ITSN2: variants seen among roughly 807,000 people sequenced by gnomAD.
ITSN2 encodes intersectin-2.
ITSN2 carries 156 observed loss-of-function variants against 243.7 expected under a neutral mutation model. The observed-to-expected ratio is 0.64, with a 90% CI of 0.56 to 0.73. ITSN2 has a LOEUF of 0.73. Ranked by LOEUF, ITSN2 falls within the 30% of genes least tolerant of loss-of-function variation. The pLI is 0.00. For synonymous variants in ITSN2, 703 were observed against 699.9 expected (o/e 1.00, Z -0.07); for missense variants, 1,801 against 1,996.1 (o/e 0.90, Z 1.86).
intron 1 of ITSN2, among the ~76,000 whole-genome samples, chr2:24,332,691 G>T (rs1430555137): frequency 1.3e-5 from 2 of 152,006 alleles, no homozygotes; most frequent in Non-Finnish European, 1.5e-5. Context: ...TATTCTCTCT[G>T]CCCCACTGTG....
chr2:24,283,108 A>T (rs1036359053), intron 17 of ITSN2, among the ~76,000 whole-genome samples: 7 of 151,064 alleles, frequency 4.6e-5, no homozygotes, highest in African/African-American at 1.5e-4. Flanking sequence ...CCCTTCCTCA[A>T]CTCTTACTCA....
chr2:24,309,479 C>A (rs1321462857), intron 7 of ITSN2, among the ~76,000 whole-genome samples: 1 of 152,140 alleles, frequency 6.6e-6, no homozygotes, highest in African/African-American at 2.4e-5. Context: ...GGATTACAGG[C>A]GTGAGCCACT....
chr2:24,321,836 T>C (rs1195626925), intron 2 of ITSN2: 1 of 152,154 alleles, frequency 6.6e-6, no homozygotes, highest in Non-Finnish European at 1.5e-5. Flanking sequence ...CTGACTATTG[T>C]CAGGGACTTT....
At chr2:24,301,084 T>C (rs1371288992) in intron 11 of ITSN2, 70 bp downstream of exon 11, 14 of 809,016 alleles carry the variant, frequency 1.7e-5, no homozygotes, top group Non-Finnish European at 2.7e-5. Flanking sequence ...ATTCTAAATA[T>C]TCCATTACAT....
chr2:24,219,327 T>C (rs1181384056), intron 30 of ITSN2, among the ~76,000 whole-genome samples: 1 of 152,214 alleles, frequency 6.6e-6, no homozygotes, highest in Non-Finnish European at 1.5e-5. Flanking sequence ...GAGTTGAACA[T>C]GGATTCACAG....
intron 1 of ITSN2, among the ~76,000 whole-genome samples, chr2:24,346,636 TA>T (rs1377362752): frequency 6.6e-6 from 1 of 152,056 alleles, no homozygotes; most frequent in Non-Finnish European, 1.5e-5. Flanking sequence ...TATAAGATAT[TA>T]ATAATAGTGG....
chr2:24,210,817 C>T lies in ITSN2; in HGVS notation c.4220G>A (p.Trp1407Ter), dbSNP rs1169577857. 1 of 1,614,050 alleles carries T rather than the reference C, an allele frequency of 6.2e-7. No homozygotes were observed. The highest frequency in any genetic ancestry group is 2.2e-5 in the East Asian group (1 of 44,842). ...REKENSDRLE[W>*]IQAHVQCEGL... ...TTCACACTGCACGTGCGCCTGGATC[C>T]ACTCCAGTCGGTCCGAGTTTTCCTT... Residue 1407 changes from tryptophan to a stop codon, truncating the protein, a stop_gained, in exon 34 of 40, where the codon TGG becomes TAG. Transcript: ENST00000355123. LOFTEE classifies it high-confidence loss of function.
intron 2 of ITSN2, among the ~76,000 whole-genome samples, chr2:24,320,119 C>G (rs1370510738): frequency 6.6e-6 from 1 of 152,154 alleles, no homozygotes; most frequent in Non-Finnish European, 1.5e-5. Context: ...TGGTGCACAC[C>G]TAATCCCAGT....
rs189760839 is a variant in ITSN2, at chr2:24,277,890, A to G, written c.1945-2041T>C. Among the ~76,000 whole-genome samples the G allele has an allele frequency of 3.7e-4, 57 of 152,358 alleles. No individual in the cohort carries two copies. In the East Asian group the frequency reaches 0.01, roughly 27 times the overall value. Reference sequence around the variant, plus strand: ...ATCTCATAATGTTTTAAGAAAGTTTACAAATTTGTGTAGGGCTGCATTCAA... The same window carrying G: ...ATCTCATAATGTTTTAAGAAAGTTTGCAAATTTGTGTAGGGCTGCATTCAA... On this transcript the variant is annotated intron_variant, in intron 17 of 39. Transcript: ENST00000355123.
At chr2:24,237,342 C>T (rs567130851) in intron 29 of ITSN2, among the ~76,000 whole-genome samples, 1 of 122,986 alleles carries the variant, frequency 8.1e-6, no homozygotes, top group Non-Finnish European at 1.7e-5. Context: ...ATGAAAATAG[C>T]AAAATAATCT....
intron 15 of ITSN2, among the ~76,000 whole-genome samples, chr2:24,290,904 C>A (rs1376461611): frequency 6.9e-6 from 1 of 144,766 alleles, no homozygotes; most frequent in Non-Finnish European, 1.6e-5. Context: ...GGGTTAGTCT[C>A]CTCCCCCCTA....
At chr2:24,306,675 ACTT>A (rs1354613300) in intron 8 of ITSN2, among the ~76,000 whole-genome samples, 1 of 152,024 alleles carries the variant, frequency 6.6e-6, no homozygotes, top group African/African-American at 2.4e-5. Flanking sequence ...AAAACAAATA[ACTT>A]CTTTTTATTA....
chr2:24,331,671 A>G (rs1025265624), intron 1 of ITSN2, among the ~76,000 whole-genome samples: 1 of 152,042 alleles, frequency 6.6e-6, no homozygotes, highest in African/African-American at 2.4e-5. Flanking sequence ...AAACCCAGAC[A>G]TCTGTTGAGA....
chr2:24,256,976 G>T (rs1675128491), intron 23 of ITSN2, among the ~76,000 whole-genome samples: 1 of 152,186 alleles, frequency 6.6e-6, no homozygotes, highest in African/African-American at 2.4e-5. Context: ...AAACAGGGGA[G>T]AAATGCTTGA....
chr2:24,277,699 C>T (rs1678192404), intron 17 of ITSN2, among the ~76,000 whole-genome samples: 2 of 152,104 alleles, frequency 1.3e-5, no homozygotes, highest in African/African-American at 2.4e-5. Flanking sequence ...TTTATAGTTT[C>T]CTCATCAGTA....
chr2:24,229,204 A>G (rs1292962756), intron 29 of ITSN2, among the ~76,000 whole-genome samples: 3 of 152,268 alleles, frequency 2.0e-5, no homozygotes, highest in Non-Finnish European at 4.4e-5. Flanking sequence ...AGTTCTCTCA[A>G]TGAAAATTAA....
At chr2:24,347,231 A>C (rs1428988976) in intron 1 of ITSN2, among the ~76,000 whole-genome samples, 1 of 152,224 alleles carries the variant, frequency 6.6e-6, no homozygotes, top group Non-Finnish European at 1.5e-5. Flanking sequence ...CAGTTTTACC[A>C]ATATTAGAAA....
chr2:24,267,345 T>C lies in ITSN2; in HGVS notation c.2355+3326A>G, dbSNP rs949743352. Among the ~76,000 whole-genome samples, 7 of 148,258 alleles carry C rather than the reference T, an allele frequency of 4.7e-5. No homozygotes were observed. The Admixed American group carries it at 4.8e-4, about 10-fold the overall frequency. On this transcript the variant is annotated intron_variant, in intron 20 of 39. Coordinates refer to ENST00000355123, the MANE Select transcript of ITSN2 (RefSeq NM_006277.3). Reference sequence around the variant, plus strand: ...CACATGTATACCTATGTAACAAACCTGCACGTTCTGCACATGTATCCCAGA... The same window carrying C: ...CACATGTATACCTATGTAACAAACCCGCACGTTCTGCACATGTATCCCAGA...
At chr2:24,287,107 A>G (rs866498903) in intron 15 of ITSN2, among the ~76,000 whole-genome samples, 6 of 152,274 alleles carry the variant, frequency 3.9e-5, no homozygotes, top group Middle Eastern at 3.4e-3. Context: ...TCCCCCTTTT[A>G]GGCATTTACA....
Sources: gnomAD v4.1 joint callset for allele counts (sites outside exome capture counted in the v4.1 genomes callset) on GRCh38, gnomAD v4.1.1 for gene constraint, MANE v1.5 for transcripts, NCBI Gene and HGNC (gene_info 2026-07-23, HGNC 2026-07-21) for gene names.